The following WDR18 variants were observed in gnomAD, a reference collection of about 807,000 sequenced individuals.
The protein encoded by WDR18 is WD repeat-containing protein 18.
In WDR18, 33 loss-of-function variants were observed where a neutral mutation model predicts 49.6. The ratio of observed to expected loss-of-function variants is 0.67; its 90% CI spans 0.50 to 0.89. WDR18 has a LOEUF of 0.89. Among genes scored for constraint, WDR18 ranks in the 40% least tolerant of loss-of-function variants. The pLI, the probability that WDR18 is intolerant of heterozygous loss-of-function variation, is 0.00. For synonymous variants in WDR18, 315 were observed against 263.6 expected, an observed-to-expected ratio of 1.19 and a Z score of -1.89; for missense variants, 653 against 593.6, an observed-to-expected ratio of 1.10 and a Z score of -1.04.
chr19:990,346 A>C lies in WDR18; in HGVS notation c.579A>C (p.Ser193=), dbSNP rs1314024488. The part of the protein sequence containing the change: ...GGPLARVATS[S]LDQTVKLWEV... ...CCCTGGCCCGGGTGGCCACCTCCTCACTGGACCAGACGGTGAAGGTACGCC... is the reference window on the plus strand; with the variant it reads ...CCCTGGCCCGGGTGGCCACCTCCTCCCTGGACCAGACGGTGAAGGTACGCC... The change falls in exon 4 of 10, where the codon TCA becomes TCC. Residue 193 remains serine (S), a synonymous_variant. Transcript: ENST00000585809. 6.3e-7 allele frequency: 1 copy of C among 1,578,446 alleles called. No individual in the cohort carries two copies. Among genetic ancestry groups the C allele is most frequent in the East Asian group, 2.3e-5 (1 of 43,746 alleles).
In WDR18 at chr19:992,049, C is replaced by T. The variant is rs752995371; in HGVS notation, c.1026C>T (p.His342=). The part of the protein sequence containing the change: ...PSLPLPHFNK[H]LLGAEHGDEP... Reference sequence around the variant, plus strand: ...TGCCGCTGCCCCACTTCAACAAGCACCTGCTGGGCGCCGAGCACGGGGACG... The same window carrying T: ...TGCCGCTGCCCCACTTCAACAAGCATCTGCTGGGCGCCGAGCACGGGGACG... Residue 342 remains histidine, a synonymous_variant, in exon 8 of 10, where the codon CAC becomes CAT. Transcript: ENST00000585809. 4 of 1,585,894 alleles carry T rather than the reference C, an allele frequency of 2.5e-6. No individual in the cohort carries two copies. Among genetic ancestry groups the T allele is most frequent in the Non-Finnish European group, 3.4e-6 (4 of 1,170,788 alleles).
upstream of WDR18, among the ~76,000 whole-genome samples, chr19:983,684 CTAA>C (rs931539609): frequency 1.3e-5 from 2 of 151,904 alleles, no homozygotes; most frequent in African/African-American, 2.4e-5. Context: ...AGCTATCCGA[CTAA>C]TAATTTAGAT....
intron 2 of WDR18, among the ~76,000 whole-genome samples, chr19:986,302 G>A (rs749860913): frequency 3.3e-5 from 5 of 152,194 alleles, no homozygotes; most frequent in Non-Finnish European, 5.9e-5. Flanking sequence ...TGACTTGAAA[G>A]TTATAAAGGG....
chr19:991,026 GC>G (rs2038538262), intron 5 of WDR18, 31 bp downstream of exon 5: 1 of 1,600,342 alleles, frequency 6.2e-7, no homozygotes, highest in Non-Finnish European at 8.5e-7. Context: ...GCTGCACCCT[GC>G]CCTGGGGCTG....
At position 984,657 on chromosome 19, in the gene WDR18, A is replaced by C. The variant is rs1247135658; in HGVS notation, c.210+94A>C. On this transcript the variant is annotated intron_variant, in intron 1 of 9. Coordinates refer to ENST00000585809, the MANE Select transcript of WDR18 (RefSeq NM_024100.4). Reference sequence around the variant, plus strand: ...GGGGGCCGCGTGCACCCTTAGTCGGAATTGGCGTGGGGAGGGGAGGTGGTC... The same window carrying C: ...GGGGGCCGCGTGCACCCTTAGTCGGCATTGGCGTGGGGAGGGGAGGTGGTC... 4.0e-6 allele frequency: 5 copies of C among 1,256,250 alleles called. No individual in the cohort carries two copies. In the Admixed American group the frequency reaches 1.9e-4, roughly 48 times the overall value. The allele number at this position is 1,256,250 out of a possible 1,614,324, so 77.8% of individuals were successfully genotyped here. A position where few individuals can be genotyped will look rare whatever the true frequency, so the allele number is the denominator to read the frequency against.
Position 989,835 on chromosome 19 carries a change from A to G in WDR18, c.395A>G (p.Asp132Gly), listed in dbSNP as rs762562537. ...QDVSCLQFTGDSSHFISGGKD... is the reference protein window; with the variant it reads ...QDVSCLQFTGGSSHFISGGKD... ...GTCTCCTGCCTTCAGTTCACAGGGG[A>G]CAGCAGCCACTTCATCTCAGGGGGC... Residue 132 changes from aspartate (D) to glycine (G), a missense_variant, in exon 3 of 10, where the codon GAC (aspartate) becomes GGC (glycine). Coordinates refer to ENST00000585809, the MANE Select transcript of WDR18 (RefSeq NM_024100.4). 6.2e-7 allele frequency: 1 copy of G among 1,612,580 alleles called. No homozygotes were observed. The highest frequency in any genetic ancestry group is 1.1e-5 in the South Asian group (1 of 91,064).
At chr19:991,439 C>G in intron 7 of WDR18, 88 bp downstream of exon 7, 2 of 233,996 alleles carry the variant, frequency 8.5e-6, no homozygotes, top group Non-Finnish European at 1.1e-5. Flanking sequence ...GGGGCGGGGA[C>G]TGGTTTGCTG....
intron 2 of WDR18, among the ~76,000 whole-genome samples, chr19:986,634 C>T (rs779979699): frequency 2.0e-5 from 3 of 152,186 alleles, no homozygotes; most frequent in East Asian, 1.9e-4. Context: ...ACTCACAGCC[C>T]GGATCCTGCC....
rs1225172712 is a variant in WDR18, at chr19:994,083, GAGA to G, written c.1165_1167del (p.Lys389del). On this transcript the variant is annotated inframe_deletion and splice_region_variant, in exon 9 of 10. Coordinates refer to ENST00000585809, the MANE Select transcript of WDR18 (RefSeq NM_024100.4). ...GCAGGCCGTCCTGTGCAGCACCATG[GAGA>G]AGGTGGGCGGGGCCTCGGGAGGGGC... is the stretch of plus-strand genomic sequence containing the variant. 8.3e-6 allele frequency: 13 copies of G among 1,557,758 alleles called. No homozygotes were observed. The highest frequency in any genetic ancestry group is 5.7e-5 in the Admixed American group (3 of 52,376).
At chr19:992,258 G>A (rs2145514571) in intron 8 of WDR18, 137 bp downstream of exon 8, 1 of 1,124,540 alleles carries the variant, frequency 8.9e-7, no homozygotes, top group East Asian at 3.2e-5. Flanking sequence ...CGCGTCCTGT[G>A]AGTGGGATGG....
At position 991,275 on chromosome 19, in the gene WDR18, C is replaced by G; in HGVS notation, c.855C>G (p.Leu285=). The change falls in exon 7 of 10, where the codon CTC becomes CTG. Residue 285 remains leucine (L), a synonymous_variant. Coordinates refer to ENST00000585809, the MANE Select transcript of WDR18 (RefSeq NM_024100.4). ...LSVSTDGSVL[L]SGSHDETVRL... ...TGTCCACTGACGGCAGCGTGCTGCTCTCAGGCTCCCACGACGAGACCGTGC... is the reference window on the plus strand; with the variant it reads ...TGTCCACTGACGGCAGCGTGCTGCTGTCAGGCTCCCACGACGAGACCGTGC... 6.4e-7 allele frequency: 1 copy of G among 1,570,130 alleles called. No homozygotes were observed. The highest frequency in any genetic ancestry group is 8.6e-7 in the Non-Finnish European group (1 of 1,156,686).
intron 4 of WDR18, 144 bp downstream of exon 4, chr19:990,508 G>A: frequency 8.2e-7 from 1 of 1,220,596 alleles, no homozygotes; most frequent in Non-Finnish European, 1.1e-6. Flanking sequence ...CTGAGCCCAA[G>A]GACGTCCAGG....
intron 8 of WDR18, 102 bp downstream of exon 8, chr19:992,223 T>C: frequency 7.5e-7 from 1 of 1,340,038 alleles, no homozygotes; most frequent in Non-Finnish European, 9.6e-7. Context: ...GTGCGGCGGT[T>C]CCCCACAAGC....
In WDR18 at chr19:994,247, G is replaced by A. The variant is rs139413493; in HGVS notation, c.1202G>A (p.Arg401His). ...GGCGGCCAGGACCAGCTGCGCGTCC[G>A]TGTGACGGAGCTGGAGGACGAGGTG... ...VLGGQDQLRV[R>H]VTELEDEVRN... The change falls in exon 10 of 10, where the codon CGT (arginine) becomes CAT (histidine). Residue 401 changes from arginine to histidine, a missense_variant. Coordinates refer to ENST00000585809, the MANE Select transcript of WDR18 (RefSeq NM_024100.4). The A allele has an allele frequency of 2.4e-5, 38 of 1,607,502 alleles. No individual in the cohort carries two copies. Among genetic ancestry groups the A allele is most frequent in the African/African-American group, 8.0e-5 (6 of 74,824 alleles).
chr19:988,031 G>C (rs1240554857), intron 2 of WDR18, among the ~76,000 whole-genome samples: 1 of 151,720 alleles, frequency 6.6e-6, no homozygotes, highest in Admixed American at 6.6e-5. Context: ...AGTTTTGCCA[G>C]GTTGGCCAGG....
chr19:984,710 G>A (rs1324547922), intron 1 of WDR18, 147 bp downstream of exon 1: 37 of 921,960 alleles, frequency 4.0e-5, no homozygotes, highest in Non-Finnish European at 5.3e-5. Context: ...CGCATGCGCG[G>A]GTCTGGGGGC....
chr19:991,757 T>A (rs1599448254), intron 7 of WDR18, among the ~76,000 whole-genome samples, 198 bp from the exon 8 acceptor site: 1 of 52,150 alleles, frequency 1.9e-5, no homozygotes, highest in South Asian at 8.2e-4. Flanking sequence ...GCTGGGGGCG[T>A]GAACTGGCTT....
Position 985,879 on chromosome 19 carries a change from G to A in WDR18, c.225G>A (p.Gln75=). 6.2e-7 allele frequency: 1 copy of A among 1,613,896 alleles called. No homozygotes were observed. Among genetic ancestry groups the A allele is most frequent in the Non-Finnish European group, 8.5e-7 (1 of 1,179,978 alleles). Residue 75 remains glutamine, a synonymous_variant, in exon 2 of 10, where the codon CAG becomes CAA. Transcript: ENST00000585809. ...WELQRKDQLQ[Q]KIMCPGPVTC... is the part of the protein sequence containing the mutation. Reference sequence around the variant, plus strand: ...TGCATCCTTAGGACCAGCTCCAGCAGAAGATCATGTGCCCCGGGCCTGTCA... The same window carrying A: ...TGCATCCTTAGGACCAGCTCCAGCAAAAGATCATGTGCCCCGGGCCTGTCA...
upstream of WDR18, chr19:984,144 C>T (rs1188084919): frequency 1.9e-6 from 1 of 520,074 alleles, no homozygotes; most frequent in Non-Finnish European, 3.3e-6. Flanking sequence ...AAGAAGTCGC[C>T]TCCCCAGATC....
Sources: gnomAD v4.1 joint callset for allele counts (sites outside exome capture counted in the v4.1 genomes callset) on GRCh38, gnomAD v4.1.1 for gene constraint, MANE v1.5 for transcripts, NCBI Gene and HGNC (gene_info 2026-07-23, HGNC 2026-07-21) for gene names.